Variants in BIRC6 observed in about 807,000 individuals in gnomAD.
The protein encoded by BIRC6 is baculoviral IAP repeat containing 6, also known as dual E2 ubiquitin-conjugating enzyme/E3 ubiquitin-protein ligase BIRC6.
In BIRC6, 98 loss-of-function variants were observed where a neutral mutation model predicts 503.3. The observed-to-expected ratio is 0.19, with a 90% CI of 0.17 to 0.23. The LOEUF (loss-of-function observed/expected upper bound fraction) is 0.23. Ranked by LOEUF, BIRC6 falls within the 10% of genes least tolerant of loss-of-function variation. The pLI is 1.00. For missense variants in BIRC6, 5,360 were observed against 5,806.0 expected, an observed-to-expected ratio of 0.92 and a Z score of 2.50; for synonymous variants, 2,240 against 2,078.7, an observed-to-expected ratio of 1.08 and a Z score of -2.11.
At chr2:32,527,305 T>C (rs780208031) in intron 59 of BIRC6, 2 of 152,234 alleles carry the variant, frequency 1.3e-5, no homozygotes, top group Non-Finnish European at 2.9e-5. Context: ...GAGTTTGTTA[T>C]TCCTTGATAT....
At chr2:32,603,883 A>C (rs2062242181) in intron 71 of BIRC6, among the ~76,000 whole-genome samples, 1 of 151,388 alleles carries the variant, frequency 6.6e-6, no homozygotes, top group African/African-American at 2.4e-5. Flanking sequence ...ATATATGTAT[A>C]TATATATCAT....
In BIRC6 at chr2:32,463,357, G is replaced by A. The variant is rs745366129; in HGVS notation, c.4917G>A (p.Gln1639=). The change falls in exon 24 of 74, where the codon CAG becomes CAA. Residue 1639 remains glutamine (Q), a synonymous_variant. Transcript: ENST00000421745. Reference sequence around the variant, plus strand: ...TACAGGTGCTGCAAGAGAAACAGCAGCAGCTTTTGAAGCTTCAGCAACAGG... The same window carrying A: ...TACAGGTGCTGCAAGAGAAACAGCAACAGCTTTTGAAGCTTCAGCAACAGG... ...QQLQVLQEKQ[Q]QLLKLQQQKA... 6.2e-7 allele frequency: 1 copy of A among 1,612,364 alleles called. No individual in the cohort carries two copies. Among genetic ancestry groups the A allele is most frequent in the South Asian group, 1.1e-5 (1 of 90,834 alleles).
At chr2:32,444,978 TTAA>T (rs2045805801) in intron 20 of BIRC6, among the ~76,000 whole-genome samples, 1 of 152,186 alleles carries the variant, frequency 6.6e-6, no homozygotes, top group African/African-American at 2.4e-5. Context: ...TATGTAGCAG[TTAA>T]TAAAAGTAAA....
At chr2:32,430,410 C>T (rs190866375) in intron 11 of BIRC6, among the ~76,000 whole-genome samples, 193 of 152,260 alleles carry the variant, frequency 1.3e-3, no homozygotes, top group Middle Eastern at 6.8e-3. Flanking sequence ...TTCTTTACCA[C>T]ATAGCTTTTG....
intron 53 of BIRC6, among the ~76,000 whole-genome samples, chr2:32,511,217 T>TTTTTTTTTTTTTTTTTTTTTTTA: frequency 6.9e-6 from 1 of 144,988 alleles, no homozygotes; most frequent in Non-Finnish European, 1.5e-5. Flanking sequence ...TTTTTTTTTT[T>TTTTTTTTTTTTTTTTTTTTTTTA]TTTTTTTTTT....
chr2:32,491,439 G>A lies in BIRC6; in HGVS notation c.8221G>A (p.Ala2741Thr). The change falls in exon 44 of 74, where the codon GCC becomes ACC. Residue 2741 changes from alanine to threonine, a missense_variant. Ala to Thr is a moderately conservative substitution (Grantham distance 58). Transcript: ENST00000421745. ...NMQLNSGSSSAIGTQESTAHL... is the reference protein window; with the variant it reads ...NMQLNSGSSSTIGTQESTAHL... The stretch of plus-strand genomic sequence containing the variant: ...ATGTTTTATAGCTGGTTCCAGCAGT[G>A]CCATTGGAACTCAGGAGAGTACTGC... 1.9e-6 allele frequency: 3 copies of A among 1,610,062 alleles called. No homozygotes were observed. The highest frequency in any genetic ancestry group is 2.5e-6 in the Non-Finnish European group (3 of 1,178,542).
chr2:32,585,841 CTT>C (rs2060986882), intron 66 of BIRC6, among the ~76,000 whole-genome samples: 1 of 152,064 alleles, frequency 6.6e-6, no homozygotes, highest in Non-Finnish European at 1.5e-5. Context: ...ACAGTCCTAA[CTT>C]TTATGTAGGA....
Position 32,453,835 on chromosome 2 carries a change from C to A in BIRC6, c.4646C>A (p.Ala1549Asp), listed in dbSNP as rs745750995. Residue 1549 changes from alanine to aspartate, a missense_variant, in exon 23 of 74, where the codon GCT becomes GAT. By Grantham distance (126) the Ala-to-Asp change is moderately radical (BLOSUM62 -2). Transcript: ENST00000421745. The stretch of plus-strand genomic sequence containing the variant: ...AATGGAAAGGTCAGTAGTTGCACAG[C>A]TGCTGAGGGTAGTTTCACATCTCTC... ...SGNGKVSSCT[A>D]AEGSFTSLTG... The A allele has an allele frequency of 6.2e-7, 1 of 1,613,718 alleles. No individual in the cohort carries two copies. Among genetic ancestry groups the A allele is most frequent in the South Asian group, 1.1e-5 (1 of 91,076 alleles).
chr2:32,402,097 CAGT>C (rs1272257688), intron 8 of BIRC6, among the ~76,000 whole-genome samples: 1 of 152,030 alleles, frequency 6.6e-6, no homozygotes, highest in Non-Finnish European at 1.5e-5. Flanking sequence ...AACAGTGTAC[CAGT>C]AGTCAGCAGT....
intron 1 of BIRC6, among the ~76,000 whole-genome samples, chr2:32,362,627 G>A (rs1282450818): frequency 6.6e-6 from 1 of 151,772 alleles, no homozygotes; most frequent in Non-Finnish European, 1.5e-5. Flanking sequence ...CTGACTTTGG[G>A]TTTTAAAAAT....
intron 59 of BIRC6, 193 bp from the exon 60 acceptor site, chr2:32,529,458 A>G (rs1326144912): frequency 1.2e-5 from 6 of 488,446 alleles, no homozygotes; most frequent in Non-Finnish European, 2.1e-5. Flanking sequence ...CACAGACATT[A>G]TTGTTCATTA....
chr2:32,540,529 A>G (rs992108121), intron 61 of BIRC6, among the ~76,000 whole-genome samples: 3 of 152,076 alleles, frequency 2.0e-5, no homozygotes, highest in African/African-American at 7.2e-5. Context: ...AGCAAAAAGC[A>G]TGTTTTCATA....
At chr2:32,407,591 A>G (rs2041382858) in intron 9 of BIRC6, among the ~76,000 whole-genome samples, 1 of 152,168 alleles carries the variant, frequency 6.6e-6, no homozygotes, top group African/African-American at 2.4e-5. Flanking sequence ...ATGGACATAT[A>G]TAACTTAAAT....
Position 32,538,000 on chromosome 2 carries a change from A to G in BIRC6, c.12292-5241A>G, listed in dbSNP as rs969337858. Among the ~76,000 whole-genome samples, 6 of 152,220 alleles carry G rather than the reference A, an allele frequency of 3.9e-5. No individual in the cohort carries two copies. The East Asian group carries it at 1.2e-3, about 29-fold the overall frequency. ...AAGCAAACAAAAAAAACAATTATTT[A>G]AAGGCTTTAAGAGCAACTAGAAGCA... On this transcript the variant is annotated intron_variant, in intron 61 of 73. Transcript: ENST00000421745.
rs754628240 is a variant in BIRC6 at position 32,415,386 on chromosome 2, A to T, written c.2095A>T (p.Thr699Ser). The change falls in exon 10 of 74, where the codon ACC becomes TCC. Residue 699 changes from threonine (T) to serine (S), a missense_variant. By Grantham distance (58) the Thr-to-Ser change is moderately conservative. Coordinates refer to ENST00000421745, the MANE Select transcript of BIRC6 (RefSeq NM_016252.4). ...QQFADAAANL[T>S]SPDSEKWNSV... Reference sequence around the variant, plus strand: ...ATTTGCAGATGCAGCAGCCAACCTTACCTCTCCGGATTCTGAGAAGTGGAA... The same window carrying T: ...ATTTGCAGATGCAGCAGCCAACCTTTCCTCTCCGGATTCTGAGAAGTGGAA... 1 of 1,613,932 alleles carries T rather than the reference A, an allele frequency of 6.2e-7. No homozygotes were observed. The highest frequency in any genetic ancestry group is 1.7e-5 in the Admixed American group (1 of 60,022).
At chr2:32,396,916 C>T (rs184530151) in intron 6 of BIRC6, among the ~76,000 whole-genome samples, 72 of 152,012 alleles carry the variant, frequency 4.7e-4, no homozygotes, top group Admixed American at 2.0e-3. Context: ...TTAGTAGAGA[C>T]GGGGTTTCGC....
At position 32,499,494 on chromosome 2, in the gene BIRC6, G is replaced by A; in HGVS notation, c.8469-53G>A. 7.1e-6 allele frequency: 10 copies of A among 1,400,414 alleles called. No individual in the cohort carries two copies. The South Asian group carries it at 1.0e-4, about 14-fold the overall frequency. The allele number at this position is 1,400,414 out of a possible 1,614,324, so 86.7% of individuals were successfully genotyped here. ...CGTTTAATTTTTAATCCTTTCTCTT[G>A]TTGTATCTCTCTCTCTCTCTCTTTT... On this transcript the variant is annotated intron_variant, in intron 45 of 73. Coordinates refer to ENST00000421745, the MANE Select transcript of BIRC6 (RefSeq NM_016252.4).
At position 32,617,913 on chromosome 2, in the gene BIRC6, G is replaced by T; in HGVS notation, c.*9G>T. The T allele has an allele frequency of 6.2e-7, 1 of 1,603,894 alleles. No homozygotes were observed. The highest frequency in any genetic ancestry group is 2.2e-5 in the East Asian group (1 of 44,604). On this transcript the variant is annotated 3_prime_UTR_variant, in exon 74 of 74. Coordinates refer to ENST00000421745, the MANE Select transcript of BIRC6 (RefSeq NM_016252.4). ...GTGACTTCCAGTTATGAGCTGCATTGATGTGGACTTCATAGACACAAAGGC... is the reference window on the plus strand; with the variant it reads ...GTGACTTCCAGTTATGAGCTGCATTTATGTGGACTTCATAGACACAAAGGC...
chr2:32,386,730 T>A (rs756993987), intron 3 of BIRC6, among the ~76,000 whole-genome samples: 1 of 152,230 alleles, frequency 6.6e-6, no homozygotes, highest in Non-Finnish European at 1.5e-5. Context: ...ATGAAGGCAC[T>A]GTGCCCAACC....
Sources: gnomAD v4.1 joint callset for allele counts (sites outside exome capture counted in the v4.1 genomes callset) on GRCh38, gnomAD v4.1.1 for gene constraint, MANE v1.5 for transcripts, NCBI Gene and HGNC (gene_info 2026-07-23, HGNC 2026-07-21) for gene names.